The following HMGB1 variants were observed in gnomAD, a reference collection of about 807,000 sequenced individuals.
HMGB1 encodes the protein high mobility group box 1.
For synonymous variants in HMGB1, 81 were observed against 84.0 expected (o/e 0.96, Z 0.19); for missense variants, 79 against 253.5 (o/e 0.31, Z 4.67).
At chr13:30,499,452 A>G (rs1411903171) in intron 1 of HMGB1, among the ~76,000 whole-genome samples, 2 of 150,824 alleles carry the variant, frequency 1.3e-5, no homozygotes, top group Non-Finnish European at 3.0e-5. Context: ...AAAAATTGCA[A>G]CTCTCACCCT....
At position 30,456,881 on chromosome 13, in the gene HMGB1, ATG is replaced by A. The variant is rs1886014191; in HGVS notation, c.*4474_*4475del. On this transcript the variant is annotated 3_prime_UTR_variant, in exon 5 of 5. Transcript: ENST00000341423. ...GAAGACCCACACATGCCTGAGAGAA[ATG>A]TACAGATGTTCAGCGCAGTACTGTT... is the stretch of plus-strand genomic sequence containing the variant. 2 of 151,876 alleles carry A rather than the reference ATG, an allele frequency of 1.3e-5. No homozygotes were observed. The highest frequency in any genetic ancestry group is 4.8e-5 in the African/African-American group (2 of 41,326). The allele number at this position is 151,876 out of a possible 1,614,324, so 9.4% of individuals were successfully genotyped here.
At chr13:30,510,121 C>T (rs1384013164) in intron 1 of HMGB1, among the ~76,000 whole-genome samples, 1 of 152,224 alleles carries the variant, frequency 6.6e-6, no homozygotes, top group Non-Finnish European at 1.5e-5. Flanking sequence ...ACCTCCTGCT[C>T]AGGCCGGGCA....
chr13:30,502,640 TTTATTTTA>T (rs1189547967), intron 1 of HMGB1, among the ~76,000 whole-genome samples: 3 of 74,380 alleles, frequency 4.0e-5, no homozygotes, highest in Non-Finnish European at 1.0e-4. Flanking sequence ...TTTACTTTAC[TTTATTTTA>T]TTTATTTTAT....
intron 1 of HMGB1, among the ~76,000 whole-genome samples, chr13:30,506,596 C>T (rs951217724): frequency 2.6e-5 from 4 of 152,192 alleles, no homozygotes; most frequent in South Asian, 2.1e-4. Context: ...TGCCTCTCCG[C>T]GGGCACTTTC....
intron 1 of HMGB1, among the ~76,000 whole-genome samples, chr13:30,551,332 G>A (rs965629043): frequency 2.6e-5 from 4 of 152,238 alleles, no homozygotes; most frequent in Non-Finnish European, 5.9e-5. Flanking sequence ...ACTGAACCAA[G>A]TCCATCTTAG....
intron 1 of HMGB1, among the ~76,000 whole-genome samples, chr13:30,472,276 A>G (rs1260587205): frequency 1.3e-5 from 2 of 152,066 alleles, no homozygotes; most frequent in African/African-American, 2.4e-5. Context: ...CAAAACAAAG[A>G]TACAAATAAA....
At chr13:30,614,736 G>A (rs1950544181) in intron 1 of HMGB1, among the ~76,000 whole-genome samples, 1 of 152,068 alleles carries the variant, frequency 6.6e-6, no homozygotes, top group South Asian at 2.1e-4. Context: ...TTGCTCTGTC[G>A]CTCAGGCTGG....
intron 1 of HMGB1, among the ~76,000 whole-genome samples, chr13:30,481,901 C>T (rs1256383506): frequency 2.6e-5 from 4 of 152,024 alleles, no homozygotes. Context: ...TGCCTCTTGG[C>T]TCACCACAAC....
At chr13:30,492,766 G>A (rs569832218) in intron 1 of HMGB1, among the ~76,000 whole-genome samples, 5 of 152,174 alleles carry the variant, frequency 3.3e-5, no homozygotes, top group Non-Finnish European at 7.4e-5. Context: ...TGAGGCAGGC[G>A]GATCACCTGA....
chr13:30,594,459 T>TAAA (rs1871514243), intron 1 of HMGB1, among the ~76,000 whole-genome samples: 2 of 152,210 alleles, frequency 1.3e-5, no homozygotes, highest in South Asian at 4.1e-4. Context: ...ATCTCCCACT[T>TAAA]ACAAGTGAGA....
At chr13:30,505,477 C>A (rs1050875443) in intron 1 of HMGB1, among the ~76,000 whole-genome samples, 3 of 152,088 alleles carry the variant, frequency 2.0e-5, no homozygotes, top group Non-Finnish European at 2.9e-5. Flanking sequence ...CGCGCCCAAC[C>A]ATTTTTATAT....
intron 1 of HMGB1, among the ~76,000 whole-genome samples, chr13:30,602,663 A>G (rs941336761): frequency 9.2e-5 from 14 of 152,096 alleles, no homozygotes; most frequent in African/African-American, 3.4e-4. Context: ...TGTTGTACTC[A>G]ACACTTCAAT....
chr13:30,470,375 A>G (rs945395118), upstream of HMGB1, among the ~76,000 whole-genome samples: 2 of 152,226 alleles, frequency 1.3e-5, no homozygotes, highest in African/African-American at 4.8e-5. Context: ...GCAGGAAAAT[A>G]GAATAAGAAG....
At chr13:30,490,305 G>A (rs1887457875) in intron 1 of HMGB1, among the ~76,000 whole-genome samples, 1 of 152,130 alleles carries the variant, frequency 6.6e-6, no homozygotes, top group Admixed American at 6.6e-5. Flanking sequence ...AGTCATATGA[G>A]ATAAGTATTT....
intron 1 of HMGB1, among the ~76,000 whole-genome samples, chr13:30,474,294 A>G (rs1479228802): frequency 1.3e-5 from 2 of 152,228 alleles, no homozygotes; most frequent in Non-Finnish European, 2.9e-5. Flanking sequence ...TCCCTCGCCA[A>G]CTTTGCCTAT....
At chr13:30,554,343 C>T (rs757649543) in intron 1 of HMGB1, 2 of 883,758 alleles carry the variant, frequency 2.3e-6, no homozygotes, top group Non-Finnish European at 3.9e-6. Flanking sequence ...TGCACGGGCA[C>T]CTTCTCTCTG....
chr13:30,568,667 C>T (rs1870297889), intron 1 of HMGB1, among the ~76,000 whole-genome samples: 1 of 152,092 alleles, frequency 6.6e-6, no homozygotes, highest in South Asian at 2.1e-4. Flanking sequence ...CCTTGTGAAG[C>T]AGGAAGCATA....
chr13:30,500,418 G>A (rs1298938470), intron 1 of HMGB1, among the ~76,000 whole-genome samples: 5 of 152,090 alleles, frequency 3.3e-5, no homozygotes, highest in South Asian at 4.1e-4. Context: ...TGCTCAGGCT[G>A]GAGTGCAGTG....
At chr13:30,554,903 A>G (rs1209591761) in intron 1 of HMGB1, among the ~76,000 whole-genome samples, 1 of 152,162 alleles carries the variant, frequency 6.6e-6, no homozygotes, top group African/African-American at 2.4e-5. Flanking sequence ...TCCAGAAACT[A>G]AAGTGAGGCT....
Sources: gnomAD v4.1 joint callset for allele counts (sites outside exome capture counted in the v4.1 genomes callset) on GRCh38, gnomAD v4.1.1 for gene constraint, MANE v1.5 for transcripts, NCBI Gene and HGNC (gene_info 2026-07-23, HGNC 2026-07-21) for gene names.